The following UGT1A3 variants were observed in gnomAD, a reference collection of about 807,000 sequenced individuals.
UGT1A3 encodes UDP glucuronosyltransferase family 1 member A3, also known as UDP-glucuronosyltransferase 1A3.
UGT1A3 carries 31 observed loss-of-function variants against 41.0 expected under a neutral mutation model. The observed-to-expected ratio is 0.76, with a 90% CI of 0.57 to 1.02. The LOEUF is 1.02. Among genes scored for constraint, UGT1A3 ranks in the 50% least tolerant of loss-of-function variants. UGT1A3 has a pLI of 0.00. For synonymous variants in UGT1A3, 262 were observed against 257.6 expected (o/e 1.02, Z -0.17); for missense variants, 737 against 671.0 (o/e 1.10, Z -1.09).
At chr2:233,757,301 G>T (rs1209658771) in intron 1 of UGT1A3, among the ~76,000 whole-genome samples, 1 of 149,508 alleles carries the variant, frequency 6.7e-6, no homozygotes, top group Non-Finnish European at 1.5e-5. Context: ...TGGGGGTTGG[G>T]GGACAGGGGG....
rs528561296 is a variant in UGT1A3 at position 233,741,118 on chromosome 2, C to T, written c.867+11125C>T. On this transcript the variant is annotated intron_variant, in intron 1 of 4. Transcript: ENST00000482026. Reference sequence around the variant, plus strand: ...AAACAGACAATCAAGCTTTACACTTCTATAAAAGCAACACTTTCCATTTAT... The same window carrying T: ...AAACAGACAATCAAGCTTTACACTTTTATAAAAGCAACACTTTCCATTTAT... Among the ~76,000 whole-genome samples the T allele has an allele frequency of 4.6e-4, 70 of 151,828 alleles. 2 individuals are homozygous for T. Among genetic ancestry groups the T allele is most frequent in the African/African-American group, 1.6e-3 (68 of 41,226 alleles).
At position 233,769,031 on chromosome 2, in the gene UGT1A3, T is replaced by A. The variant is rs1307617494; in HGVS notation, c.1307+592T>A. ...CAATTTACATAAAAAGTTGCCATAA[T>A]AGACATCTGATCCATAAGTTTCCTG... On this transcript the variant is annotated intron_variant, in intron 4 of 4. Transcript: ENST00000482026. The surrounding 1 kb of genome is among the most constrained non-coding windows in gnomAD (Gnocchi z 4.4). 6.6e-6 allele frequency among the ~76,000 whole-genome samples: 1 copy of A among 152,206 alleles called. No individual in the cohort carries two copies. The highest frequency in any genetic ancestry group is 1.5e-5 in the Non-Finnish European group (1 of 68,040).
chr2:233,733,128 G>A (rs1348090612), intron 1 of UGT1A3, among the ~76,000 whole-genome samples: 1 of 152,132 alleles, frequency 6.6e-6, no homozygotes, highest in East Asian at 1.9e-4. Flanking sequence ...TTGGTGTATA[G>A]GAATGCTTGT....
At chr2:233,750,028 T>C (rs1368553754) in intron 1 of UGT1A3, among the ~76,000 whole-genome samples, 13 of 151,882 alleles carry the variant, frequency 8.6e-5, no homozygotes, top group Admixed American at 8.5e-4. Context: ...AGTACTGCTA[T>C]AAAGATACTT....
chr2:233,743,470 G>C (rs1240539380), intron 1 of UGT1A3: 5 of 1,366,644 alleles, frequency 3.7e-6, no homozygotes, highest in Middle Eastern at 4.2e-4. Flanking sequence ...ACCCCCAAAA[G>C]CTGGAAATTC....
rs2077866341 is a variant in UGT1A3 at position 233,729,479 on chromosome 2, A to T, written c.353A>T (p.Asn118Ile). 5 of 1,614,240 alleles carry T rather than the reference A, an allele frequency of 3.1e-6. No homozygotes were observed. The East Asian group carries it at 1.1e-4, about 36-fold the overall frequency. The change falls in exon 1 of 5, where the codon AAC becomes ATC. Residue 118 changes from asparagine (N) to isoleucine (I), a missense_variant. Coordinates refer to ENST00000482026, the MANE Select transcript of UGT1A3 (RefSeq NM_019093.4). Reference protein sequence around the residue: ...KKFFRSMAMLNNMSLVYHRSC... With the variant: ...KKFFRSMAMLINMSLVYHRSC... ...TTTTTCAGAAGTATGGCAATGTTGA[A>T]CAATATGTCTTTGGTCTATCATAGG...
At chr2:233,730,118 T>C in intron 1 of UGT1A3, 125 bp downstream of exon 1, 5 of 1,555,912 alleles carry the variant, frequency 3.2e-6, no homozygotes, top group Non-Finnish European at 4.3e-6. Context: ...CTTCTCCTTG[T>C]CATAATAGCC....
intron 1 of UGT1A3, chr2:233,753,490 A>T (rs1695218587): frequency 6.6e-6 from 1 of 152,072 alleles, no homozygotes. Context: ...GCTGCTCTTA[A>T]TTTTTTTCAG....
intron 1 of UGT1A3, chr2:233,761,266 C>T: frequency 1.3e-6 from 2 of 1,594,552 alleles, no homozygotes; most frequent in South Asian, 1.1e-5. Context: ...ATTTAAAATG[C>T]CCTCTTTTGT....
At chr2:233,757,646 G>T (rs1696690182) in intron 1 of UGT1A3, among the ~76,000 whole-genome samples, 1 of 150,442 alleles carries the variant, frequency 6.6e-6, no homozygotes, top group South Asian at 2.1e-4. Context: ...ACAAAATGCT[G>T]TTTTTCTGGG....
chr2:233,749,216 C>G lies in UGT1A3; in HGVS notation c.868-17818C>G, dbSNP rs1401762551. ...AACATAGGTATTATTGCCAAACACT[C>G]TAAGCTTCATTTTTTAAAATCAAAC... On this transcript the variant is annotated intron_variant, in intron 1 of 4. Coordinates refer to ENST00000482026, the MANE Select transcript of UGT1A3 (RefSeq NM_019093.4). Among the ~76,000 whole-genome samples, 5 of 151,786 alleles carry G rather than the reference C, an allele frequency of 3.3e-5. No homozygotes were observed. The East Asian group carries it at 5.8e-4, about 18-fold the overall frequency.
intron 1 of UGT1A3, among the ~76,000 whole-genome samples, chr2:233,754,123 T>C (rs1464588119): frequency 2.6e-5 from 4 of 152,360 alleles, no homozygotes; most frequent in Admixed American, 2.6e-4. Flanking sequence ...CGAGCATTTA[T>C]GTGCAATTAA....
At chr2:233,730,096 A>G in intron 1 of UGT1A3, 103 bp downstream of exon 1, 1 of 1,590,372 alleles carries the variant, frequency 6.3e-7, no homozygotes, top group Non-Finnish European at 8.6e-7. Flanking sequence ...CTTTCCAAAT[A>G]TTTCATTTCT....
intron 1 of UGT1A3, among the ~76,000 whole-genome samples, chr2:233,758,755 T>C (rs1329338381): frequency 1.3e-5 from 2 of 152,208 alleles, no homozygotes; most frequent in African/African-American, 4.8e-5. Flanking sequence ...TGGCCAGTGA[T>C]GTGTATGGTT....
intron 1 of UGT1A3, chr2:233,760,741 C>G: frequency 6.2e-7 from 1 of 1,614,110 alleles, no homozygotes; most frequent in South Asian, 1.1e-5. Context: ...GCTGACGGAC[C>G]CTTTCCTTCC....
rs752968297 is a variant in UGT1A3 at position 233,768,220 on chromosome 2, G to T, written c.1088G>T (p.Gly363Val). 65 of 1,614,160 alleles carry T rather than the reference G, an allele frequency of 4.0e-5. No homozygotes were observed. In the Admixed American group the frequency reaches 1.0e-3, roughly 25 times the overall value. Residue 363 changes from glycine to valine, a missense_variant and splice_region_variant, in exon 4 of 5, where the codon GGT (glycine) becomes GTT (valine). Gly to Val is a moderately radical substitution (Grantham distance 109, BLOSUM62 -3). Transcript: ENST00000482026. Reference sequence around the variant, plus strand: ...ACATCCTCCCTATTTTGCATCTCAGGTCACCCGATGACCCGTGCCTTTATC... The same window carrying T: ...ACATCCTCCCTATTTTGCATCTCAGTTCACCCGATGACCCGTGCCTTTATC... ...VKWLPQNDLL[G>V]HPMTRAFITH...
At chr2:233,770,756 T>C (rs1700148288) in intron 4 of UGT1A3, 1 of 152,202 alleles carries the variant, frequency 6.6e-6, no homozygotes, top group Non-Finnish European at 1.5e-5. Context: ...AGTACTAATA[T>C]TACATTATAA....
chr2:233,751,278 T>A (rs932458563), intron 1 of UGT1A3, among the ~76,000 whole-genome samples: 3 of 151,934 alleles, frequency 2.0e-5, no homozygotes, highest in African/African-American at 7.3e-5. Flanking sequence ...TTTTGGCCAG[T>A]TTCTCCCATT....
chr2:233,756,842 A>T (rs544297535), intron 1 of UGT1A3, among the ~76,000 whole-genome samples: 73 of 152,236 alleles, frequency 4.8e-4, no homozygotes, highest in African/African-American at 1.7e-3. Context: ...TTAACCAAAG[A>T]ACATTCTAAC....
Sources: allele counts gnomAD v4.1 joint callset (sites outside exome capture counted in the v4.1 genomes callset), GRCh38; gene constraint gnomAD v4.1.1; non-coding constraint Gnocchi (gnomAD v3.1); transcripts MANE v1.5; gene names NCBI Gene and HGNC (gene_info 2026-07-23, HGNC 2026-07-21).